ZNF141: variants seen among roughly 807,000 people sequenced by gnomAD.
ZNF141 encodes the protein zinc finger protein 141 (clone pHZ-44).
A neutral mutation model predicts 11.3 loss-of-function variants in ZNF141; 7 were observed. The ratio of observed to expected loss-of-function variants is 0.62; its 90% CI spans 0.35 to 1.16. The LOEUF is 1.16. Among genes scored for constraint, ZNF141 ranks in the 50% most tolerant of loss-of-function variants. The probability of loss-of-function intolerance (pLI) is 0.02; values close to 1 mark genes in which losing one functional copy is unlikely to be tolerated. For synonymous variants in ZNF141, 183 were observed against 190.7 expected, an observed-to-expected ratio of 0.96 and a Z score of 0.33; for missense variants, 535 against 554.0, an observed-to-expected ratio of 0.97 and a Z score of 0.34.
chr4:349,047 T>C (rs969418049), intron 3 of ZNF141, among the ~76,000 whole-genome samples: 3 of 152,180 alleles, frequency 2.0e-5, no homozygotes. Context: ...GTTAAATTTA[T>C]TTTGATTAAC....
chr4:378,383 C>T lies in ZNF141; in HGVS notation c.*4521C>T, dbSNP rs1463245443. On this transcript the variant is annotated 3_prime_UTR_variant, in exon 4 of 4. Transcript: ENST00000240499. The stretch of plus-strand genomic sequence containing the variant: ...TCCCAGGTTCAAGTGATTCTCCTGC[C>T]TCAGCCTCCTGAGTTAACTGGGACT... Among the ~76,000 whole-genome samples the T allele has an allele frequency of 6.6e-6, 1 of 151,980 alleles. No homozygotes were observed. The highest frequency in any genetic ancestry group is 1.5e-5 in the Non-Finnish European group (1 of 68,000).
Position 373,661 on chromosome 4 carries a change from A to T in ZNF141, c.1224A>T (p.Thr408=), listed in dbSNP as rs1553854084. 6.2e-7 allele frequency: 1 copy of T among 1,614,188 alleles called. No individual in the cohort carries two copies. Among genetic ancestry groups the T allele is most frequent in the South Asian group, 1.1e-5 (1 of 91,080 alleles). Residue 408 remains threonine, a synonymous_variant, in exon 4 of 4, where the codon ACA becomes ACT. Coordinates refer to ENST00000240499, the MANE Select transcript of ZNF141 (RefSeq NM_003441.4). Reference sequence around the variant, plus strand: ...GTGGCAAAGCCTTTAGACGGTCCACAGATCGGAGTCAACATAAGAAAATTC... The same window carrying T: ...GTGGCAAAGCCTTTAGACGGTCCACTGATCGGAGTCAACATAAGAAAATTC... ...EECGKAFRRS[T]DRSQHKKIHS...
At chr4:346,896 G>GCCCC (rs200698140) in intron 3 of ZNF141, among the ~76,000 whole-genome samples, 1 of 128,772 alleles carries the variant, frequency 7.8e-6, no homozygotes. Flanking sequence ...CACACACACC[G>GCCCC]CCCCCCCCAT....
intron 1 of ZNF141, among the ~76,000 whole-genome samples, chr4:341,307 C>T (rs879947983): frequency 9.2e-5 from 14 of 152,180 alleles, no homozygotes; most frequent in Non-Finnish European, 1.3e-4. Context: ...GTGATCCACC[C>T]GCCTCAGCCT....
Position 337,951 on chromosome 4 carries a change from G to C in ZNF141, c.-33G>C. 1 of 1,612,216 alleles carries C rather than the reference G, an allele frequency of 6.2e-7. No individual in the cohort carries two copies. Among genetic ancestry groups the C allele is most frequent in the Non-Finnish European group, 8.5e-7 (1 of 1,178,832 alleles). On this transcript the variant is annotated 5_prime_UTR_variant, in exon 1 of 4. Transcript: ENST00000240499. ...ACCTGCGGGTATTGGATGATTGGTA[G>C]CTAAGACTCCCGAATACTTCAGAAG...
Position 380,898 on chromosome 4 carries a change from G to A in ZNF141, c.*7036G>A, listed in dbSNP as rs1712584141. 6.6e-6 allele frequency among the ~76,000 whole-genome samples: 1 copy of A among 152,056 alleles called. No homozygotes were observed. The highest frequency in any genetic ancestry group is 6.5e-5 in the Admixed American group (1 of 15,268). On this transcript the variant is annotated 3_prime_UTR_variant, in exon 4 of 4. Coordinates refer to ENST00000240499, the MANE Select transcript of ZNF141 (RefSeq NM_003441.4). ...GTTAAATGTTGTCATATATGTGTGTGCAAAACGTATAAAATATACAGAAAA... is the reference window on the plus strand; with the variant it reads ...GTTAAATGTTGTCATATATGTGTGTACAAAACGTATAAAATATACAGAAAA...
At chr4:341,971 G>C (rs1212666725) in intron 1 of ZNF141, among the ~76,000 whole-genome samples, 1 of 152,120 alleles carries the variant, frequency 6.6e-6, no homozygotes, top group Non-Finnish European at 1.5e-5. Flanking sequence ...AAGTCTCAAA[G>C]TAAATACAAA....
rs1553854042 is a variant in ZNF141 at position 373,533 on chromosome 4, C to A, written c.1096C>A (p.Pro366Thr). 2 of 1,613,876 alleles carry A rather than the reference C, an allele frequency of 1.2e-6. No homozygotes were observed. Among genetic ancestry groups the A allele is most frequent in the South Asian group, 1.1e-5 (1 of 91,068 alleles). Residue 366 changes from proline (P) to threonine (T), a missense_variant, in exon 4 of 4, where the codon CCC (proline) becomes ACC (threonine). By Grantham distance (38) the Pro-to-Thr change is conservative (BLOSUM62 -1). Coordinates refer to ENST00000240499, the MANE Select transcript of ZNF141 (RefSeq NM_003441.4). ...EHKKVHTGER[P>T]YKCDECGKAF... Reference sequence around the variant, plus strand: ...TAAGAAAGTTCATACTGGAGAGCGGCCCTACAAATGTGATGAATGTGGCAA... The same window carrying A: ...TAAGAAAGTTCATACTGGAGAGCGGACCTACAAATGTGATGAATGTGGCAA...
intron 1 of ZNF141, 134 bp downstream of exon 1, chr4:338,120 T>A: frequency 8.2e-7 from 1 of 1,215,734 alleles, no homozygotes; most frequent in Non-Finnish European, 1.2e-6. Flanking sequence ...TACCCTCCGG[T>A]GAGGGACCTG....
intron 3 of ZNF141, among the ~76,000 whole-genome samples, chr4:349,441 G>T (rs1553850102): frequency 6.6e-6 from 1 of 152,154 alleles, no homozygotes; most frequent in African/African-American, 2.4e-5. Context: ...ACTCTGGAGA[G>T]CTTTATTCTC....
At chr4:358,123 T>C (rs1373466296) in intron 3 of ZNF141, 2 of 362,120 alleles carry the variant, frequency 5.5e-6, no homozygotes, top group Non-Finnish European at 1.0e-5. Flanking sequence ...TGTTGTTAAA[T>C]TTTTTAGTTC....
At chr4:353,738 A>C (rs1213239847) in intron 3 of ZNF141, among the ~76,000 whole-genome samples, 4 of 152,086 alleles carry the variant, frequency 2.6e-5, no homozygotes, top group Non-Finnish European at 5.9e-5. Context: ...CTAGGATTAC[A>C]AGCATGAGCC....
In ZNF141 at chr4:383,167, C is replaced by G. The variant is rs1295274954; in HGVS notation, c.*9305C>G. On this transcript the variant is annotated 3_prime_UTR_variant, in exon 4 of 4. Coordinates refer to ENST00000240499, the MANE Select transcript of ZNF141 (RefSeq NM_003441.4). Reference sequence around the variant, plus strand: ...ATAGCATCTGAGAAAAGCCAAAGTGCCTCAGTTTACAGACAGCTCACTCAC... The same window carrying G: ...ATAGCATCTGAGAAAAGCCAAAGTGGCTCAGTTTACAGACAGCTCACTCAC... 1.4e-6 allele frequency: 1 copy of G among 701,910 alleles called. No homozygotes were observed. The highest frequency in any genetic ancestry group is 1.7e-5 in the African/African-American group (1 of 57,198). The allele number at this position is 701,910 out of a possible 1,614,324, so 43.5% of individuals were successfully genotyped here. A position where few individuals can be genotyped will look rare whatever the true frequency, so the allele number is the denominator to read the frequency against.
intron 3 of ZNF141, among the ~76,000 whole-genome samples, chr4:363,370 T>C (rs1553852483): frequency 6.6e-6 from 1 of 152,178 alleles, no homozygotes; most frequent in East Asian, 1.9e-4. Context: ...TTATTTCTTT[T>C]CTCCTGCATG....
intron 3 of ZNF141, among the ~76,000 whole-genome samples, chr4:359,703 A>T (rs1489852375): frequency 6.6e-6 from 1 of 152,192 alleles, no homozygotes; most frequent in Admixed American, 6.5e-5. Context: ...GGCAGGTCAC[A>T]GGTCAGGAAA....
At position 373,255 on chromosome 4, in the gene ZNF141, A is replaced by G. The variant is rs782325250; in HGVS notation, c.818A>G (p.His273Arg). 3.1e-6 allele frequency: 5 copies of G among 1,613,988 alleles called. No homozygotes were observed. The highest frequency in any genetic ancestry group is 4.5e-5 in the East Asian group (2 of 44,870). ...AATAGGTTCACAACCCTTACTAAAC[A>G]TAAGAGAATTCATGCTGGAGAGAAA... ...AFNRFTTLTK[H>R]KRIHAGEKPI... The change falls in exon 4 of 4, where the codon CAT (histidine) becomes CGT (arginine). Residue 273 changes from histidine to arginine, a missense_variant. Physicochemically the swap from His to Arg is conservative, Grantham distance 29 (BLOSUM62 0). Transcript: ENST00000240499.
chr4:369,764 A>ATTTT lies in ZNF141; in HGVS notation c.227-2883_227-2880dup, dbSNP rs34509477. 7.0e-4 allele frequency among the ~76,000 whole-genome samples: 34 copies of ATTTT among 48,722 alleles called. 3 individuals carry two copies. Among genetic ancestry groups the ATTTT allele is most frequent in the African/African-American group, 3.2e-3 (19 of 5,878 alleles). 32.0% of individuals were successfully genotyped at this position (48,722 alleles called of 152,430 possible). A position where few individuals can be genotyped will look rare whatever the true frequency, so the allele number is the denominator to read the frequency against. Reference sequence around the variant, plus strand: ...TATATATATATATATATATATATATATTTTTTTTTTTTTTTTTTTTGAGAG... The same window carrying ATTTT: ...TATATATATATATATATATATATATATTTTTTTTTTTTTTTTTTTTTTTTGAGAG... On this transcript the variant is annotated intron_variant, in intron 3 of 3. Transcript: ENST00000240499.
intron 1 of ZNF141, chr4:342,729 G>T: frequency 2.5e-6 from 3 of 1,219,574 alleles, no homozygotes; most frequent in Admixed American, 3.6e-5. Context: ...CCTGTCCATT[G>T]TTCTGGGTGA....
In ZNF141 at chr4:344,550, C is replaced by G. The variant is rs1181517596; in HGVS notation, c.226+120C>G. On this transcript the variant is annotated intron_variant, in intron 3 of 3. Coordinates refer to ENST00000240499, the MANE Select transcript of ZNF141 (RefSeq NM_003441.4). The stretch of plus-strand genomic sequence containing the variant: ...GTGGCTCATGCCTGTAATCCAAGGA[C>G]TTTGGGAGGCCGAGGCAGGCGGATC... The G allele has an allele frequency of 5.6e-6, 4 of 716,922 alleles. No homozygotes were observed. In the African/African-American group the frequency reaches 7.3e-5, roughly 13 times the overall value. The allele number at this position is 716,922 out of a possible 1,614,324, so 44.4% of individuals were successfully genotyped here.
Sources: gnomAD v4.1 joint callset for allele counts (sites outside exome capture counted in the v4.1 genomes callset) on GRCh38, gnomAD v4.1.1 for gene constraint, MANE v1.5 for transcripts, NCBI Gene and HGNC (gene_info 2026-07-23, HGNC 2026-07-21) for gene names.